FBRSL1: variants seen among roughly 807,000 people sequenced by gnomAD.
FBRSL1 encodes the protein fibrosin like 1, also known as fibrosin-1-like protein.
Under a neutral mutation model 89.6 loss-of-function variants are expected in FBRSL1, and 51 were observed. The ratio of observed to expected loss-of-function variants is 0.57; its 90% CI spans 0.45 to 0.72. The LOEUF is 0.72. FBRSL1 is among the 30% of genes least tolerant of loss of function. The pLI is 0.00. For synonymous variants in FBRSL1, 779 were observed against 681.1 expected (o/e 1.14, Z -2.24); for missense variants, 1,618 against 1,451.8 (o/e 1.11, Z -1.86).
intron 4 of FBRSL1, among the ~76,000 whole-genome samples, chr12:132,535,181 T>C (rs945744636): frequency 2.0e-5 from 3 of 152,262 alleles, no homozygotes; most frequent in African/African-American, 7.2e-5. Flanking sequence ...TGTTGATAAA[T>C]AATTCATGAG....
At chr12:132,509,832 C>T (rs2034125575) in intron 2 of FBRSL1, 5 of 1,231,864 alleles carry the variant, frequency 4.1e-6, no homozygotes, top group Non-Finnish European at 5.1e-6. Context: ...GCGGTACCAG[C>T]CCCCGCGGCC....
chr12:132,578,572 G>A lies in FBRSL1; in HGVS notation c.1834+1641G>A, dbSNP rs115894973. Among the ~76,000 whole-genome samples, 704 of 152,174 alleles carry A rather than the reference G, an allele frequency of 4.6e-3. 5 individuals are homozygous for A. The highest frequency in any genetic ancestry group is 0.016 in the African/African-American group (669 of 41,522). On this transcript the variant is annotated intron_variant, in intron 15 of 18. Transcript: ENST00000680143. ...GTTCAAGGGTCAGCTGCATGCACAC[G>A]TACATACCCACGTGTACAGGCACAC...
chr12:132,512,507 C>T (rs2034455214), intron 2 of FBRSL1, among the ~76,000 whole-genome samples: 3 of 152,248 alleles, frequency 2.0e-5, no homozygotes, highest in Admixed American at 2.0e-4. Context: ...GAGTCACCCA[C>T]ACAAGCCATT....
chr12:132,516,344 C>T (rs1478087667), intron 2 of FBRSL1, among the ~76,000 whole-genome samples: 7 of 152,154 alleles, frequency 4.6e-5, no homozygotes. Flanking sequence ...GCCACCACGC[C>T]CAGCTAATTT....
chr12:132,515,300 G>A (rs1425282710), intron 2 of FBRSL1, among the ~76,000 whole-genome samples: 1 of 152,110 alleles, frequency 6.6e-6, no homozygotes, highest in African/African-American at 2.4e-5. Context: ...GCTAGAAGTT[G>A]ACAGTCATTC....
At chr12:132,545,340 T>C (rs941181454) in intron 4 of FBRSL1, among the ~76,000 whole-genome samples, 3 of 152,210 alleles carry the variant, frequency 2.0e-5, no homozygotes, top group African/African-American at 7.2e-5. Context: ...TCTCCTTTTC[T>C]CCTCGCCCTG....
Position 132,570,029 on chromosome 12 carries a change from C to T in FBRSL1, c.795C>T (p.Ala265=), listed in dbSNP as rs1435609163. The T allele has an allele frequency of 6.6e-7, 1 of 1,512,850 alleles. No homozygotes were observed. The highest frequency in any genetic ancestry group is 2.1e-5 in the Admixed American group (1 of 48,224). 93.7% of individuals were successfully genotyped at this position (1,512,850 alleles called of 1,614,324 possible). A position where few individuals can be genotyped will look rare whatever the true frequency, so the allele number is the denominator to read the frequency against. The change falls in exon 7 of 19, where the codon GCC becomes GCT. Residue 265 remains alanine, a synonymous_variant. Coordinates refer to ENST00000680143, the MANE Select transcript of FBRSL1 (RefSeq NM_001367871.1). ...ELSAESFLPT[A]SPAPHAAPCP... ...GCGCCGAGAGCTTCCTGCCCACTGC[C>T]AGCCCCGCGCCCCATGCCGCGCCCT... is the stretch of plus-strand genomic sequence containing the variant.
At chr12:132,498,175 C>T (rs1380180084) in intron 1 of FBRSL1, among the ~76,000 whole-genome samples, 2 of 152,156 alleles carry the variant, frequency 1.3e-5, no homozygotes, top group East Asian at 1.9e-4. Context: ...TCTGTCAAGC[C>T]CCACAGCTAC....
At chr12:132,574,929 C>T (rs766060961) in intron 14 of FBRSL1, among the ~76,000 whole-genome samples, 9 of 152,216 alleles carry the variant, frequency 5.9e-5, no homozygotes, top group Middle Eastern at 3.4e-3. Context: ...CTGTGTTCTT[C>T]GGTCTTCAGC....
chr12:132,547,268 G>A (rs1019824136), intron 4 of FBRSL1, among the ~76,000 whole-genome samples: 4 of 150,162 alleles, frequency 2.7e-5, no homozygotes, highest in Non-Finnish European at 1.5e-5. Flanking sequence ...GACAGTCAGT[G>A]TGTTCTTCGT....
At chr12:132,493,893 G>A (rs940758505) in intron 1 of FBRSL1, among the ~76,000 whole-genome samples, 3 of 152,230 alleles carry the variant, frequency 2.0e-5, no homozygotes, top group Non-Finnish European at 4.4e-5. Context: ...GCTGAGGAGG[G>A]CCAGGGTCTG....
In FBRSL1 at chr12:132,490,466, G is replaced by T; in HGVS notation, c.-105G>T. 1.2e-6 allele frequency: 1 copy of T among 812,400 alleles called. No individual in the cohort carries two copies. The highest frequency in any genetic ancestry group is 5.7e-5 in the South Asian group (1 of 17,612). 50.3% of individuals were successfully genotyped at this position (812,400 alleles called of 1,614,324 possible). On this transcript the variant is annotated 5_prime_UTR_variant, in exon 1 of 19. Coordinates refer to ENST00000680143, the MANE Select transcript of FBRSL1 (RefSeq NM_001367871.1). Reference sequence around the variant, plus strand: ...CGCCGCCCAGGGCCCGAGCCCGCGCGGCGCACACTCAGCCCGGCGGCGCCG... The same window carrying T: ...CGCCGCCCAGGGCCCGAGCCCGCGCTGCGCACACTCAGCCCGGCGGCGCCG...
At chr12:132,520,621 T>C (rs1227855141) in intron 2 of FBRSL1, among the ~76,000 whole-genome samples, 4 of 152,006 alleles carry the variant, frequency 2.6e-5, no homozygotes, top group Non-Finnish European at 5.9e-5. Context: ...CCCCAGGAGG[T>C]AGCAGCAGGG....
intron 2 of FBRSL1, chr12:132,510,541 C>T (rs1315314328): frequency 1.9e-4 from 228 of 1,231,218 alleles, no homozygotes; most frequent in Middle Eastern, 3.1e-4. Flanking sequence ...CATTGCCCTT[C>T]GGGCTGGAGA....
At chr12:132,503,956 G>A (rs949505807) in intron 1 of FBRSL1, among the ~76,000 whole-genome samples, 1 of 152,084 alleles carries the variant, frequency 6.6e-6, no homozygotes, top group Admixed American at 6.5e-5. Flanking sequence ...ACCCCTGGGG[G>A]CTCCCTCAGC....
At chr12:132,509,060 T>C in intron 2 of FBRSL1, 1 of 1,195,760 alleles carries the variant, frequency 8.4e-7, no homozygotes, top group Non-Finnish European at 1.0e-6. Context: ...CCCTTGGGAA[T>C]TGGGCTGCTG....
intron 15 of FBRSL1, among the ~76,000 whole-genome samples, chr12:132,577,241 G>A (rs765560874): frequency 3.3e-5 from 5 of 151,862 alleles, no homozygotes; most frequent in South Asian, 2.1e-4. Flanking sequence ...TTCAGCCCAC[G>A]CCACACGGCT....
chr12:132,578,977 G>A (rs11146952), intron 15 of FBRSL1, among the ~76,000 whole-genome samples: 4,956 of 152,164 alleles, frequency 0.033, 170 homozygotes, highest in East Asian at 0.14. Context: ...CAAGCCCCCC[G>A]GACACGTGCT....
intron 9 of FBRSL1, chr12:132,571,989 C>T (rs2040050980): frequency 2.0e-6 from 1 of 495,446 alleles, no homozygotes; most frequent in African/African-American, 2.0e-5. Context: ...CCCAGCGCGA[C>T]CCAGCAGCCA....
Sources: gnomAD v4.1 joint callset for allele counts (sites outside exome capture counted in the v4.1 genomes callset) on GRCh38, gnomAD v4.1.1 for gene constraint, MANE v1.5 for transcripts, NCBI Gene and HGNC (gene_info 2026-07-23, HGNC 2026-07-21) for gene names.